The following SMARCC2 variants were observed in gnomAD, a reference collection of about 807,000 sequenced individuals.
SMARCC2 encodes SWI/SNF related BAF chromatin remodeling complex subunit C2.
SMARCC2 carries 15 observed loss-of-function variants against 151.3 expected under a neutral mutation model. That is an observed-to-expected ratio of 0.10 (90% CI 0.07 to 0.15). The LOEUF (loss-of-function observed/expected upper bound fraction) is 0.15, where lower values mean the gene tolerates loss of function less well. Among genes scored for constraint, SMARCC2 ranks in the 10% least tolerant of loss-of-function variants. The pLI, the probability that SMARCC2 is intolerant of heterozygous loss-of-function variation, is 1.00. For synonymous variants in SMARCC2, 590 were observed against 609.5 expected (o/e 0.97, Z 0.47); for missense variants, 1,031 against 1,599.7 (o/e 0.64, Z 6.06).
chr12:56,164,222 C>A, intron 28 of SMARCC2, 81 bp downstream of exon 28: 1 of 1,286,260 alleles, frequency 7.8e-7, no homozygotes, highest in African/African-American at 1.5e-5. Flanking sequence ...TAATACCTGA[C>A]CTCTTCCCCA....
Position 56,164,541 on chromosome 12 carries a change from G to A in SMARCC2, c.3423C>T (p.Leu1141=), listed in dbSNP as rs767670571. Residue 1141 remains leucine (L), a synonymous_variant, in exon 28 of 29, where the codon CTC becomes CTT. Transcript: ENST00000550164. ...GSLADSISIN[L]PAPPNLHGHH... ...GCCCATGCAGGTTAGGAGGAGCGGG[G>A]AGGTTAATACTGATGGAGTCAGCTA... 5 of 1,614,184 alleles carry A rather than the reference G, an allele frequency of 3.1e-6. No individual in the cohort carries two copies. In the Admixed American group the frequency reaches 6.7e-5, roughly 22 times the overall value.
In SMARCC2 at chr12:56,173,040, G is replaced by C. The variant is rs750591805; in HGVS notation, c.1651-11C>G. On this transcript the variant is annotated splice_polypyrimidine_tract_variant and intron_variant, in intron 17 of 28. Coordinates refer to ENST00000550164, the MANE Select transcript of SMARCC2 (RefSeq NM_001330288.2). ...ATCAACCTGGCGGCCCTGGGGGACA[G>C]AGCTTGGCGTCATGGAGGCTGGGCA... 5 of 1,613,452 alleles carry C rather than the reference G, an allele frequency of 3.1e-6. No individual in the cohort carries two copies. Among genetic ancestry groups the C allele is most frequent in the South Asian group, 2.2e-5 (2 of 91,078 alleles).
chr12:56,165,495 C>G lies in SMARCC2; in HGVS notation c.3055G>C (p.Val1019Leu), dbSNP rs1424674357. ...AGPPAVHGLA[V>L]APASVVPAPA... Reference sequence around the variant, plus strand: ...GCAGGGACTACAGAGGCTGGAGCCACAGCCAAGCCATGGACTGCGGGTGGC... The same window carrying G: ...GCAGGGACTACAGAGGCTGGAGCCAGAGCCAAGCCATGGACTGCGGGTGGC... Residue 1019 changes from valine (V) to leucine (L), a missense_variant, in exon 27 of 29, where the codon GTG (valine) becomes CTG (leucine). By Grantham distance (32) the Val-to-Leu change is conservative. Coordinates refer to ENST00000550164, the MANE Select transcript of SMARCC2 (RefSeq NM_001330288.2). 6.3e-7 allele frequency: 1 copy of G among 1,581,638 alleles called. No homozygotes were observed. The highest frequency in any genetic ancestry group is 8.6e-7 in the Non-Finnish European group (1 of 1,163,466).
At chr12:56,181,433 TG>T in intron 10 of SMARCC2, 48 bp downstream of exon 10, 1 of 1,144,448 alleles carries the variant, frequency 8.7e-7, no homozygotes, top group Non-Finnish European at 1.3e-6. Context: ...TCCTTCAACA[TG>T]ATGTGGAGAG....
chr12:56,173,185 G>A (rs749501099), intron 17 of SMARCC2, among the ~76,000 whole-genome samples, 156 bp from the exon 18 acceptor site: 1 of 152,184 alleles, frequency 6.6e-6, no homozygotes, highest in Non-Finnish European at 1.5e-5. Context: ...ACATGTCGTT[G>A]GCATGATATC....
At chr12:56,181,392 A>T in intron 10 of SMARCC2, 90 bp downstream of exon 10, 8 of 818,138 alleles carry the variant, frequency 9.8e-6, no homozygotes, top group South Asian at 5.4e-5. Context: ...GGTCAGGGCC[A>T]GGTGGTTATA....
chr12:56,179,930 C>G (rs937352931), intron 11 of SMARCC2, among the ~76,000 whole-genome samples: 1 of 152,092 alleles, frequency 6.6e-6, no homozygotes, highest in African/African-American at 2.4e-5. Flanking sequence ...CGTGATCCGC[C>G]TGCCTCGGCC....
chr12:56,162,668 A>C lies in SMARCC2; in HGVS notation c.*1021T>G. 8.5e-6 allele frequency: 2 copies of C among 234,376 alleles called. No homozygotes were observed. The allele number at this position is 234,376 out of a possible 1,614,324, so 14.5% of individuals were successfully genotyped here. ...GGGCACCCTCTTCCACTGCTCCCAA[A>C]TCCCTGCATCCTCATCTGGGGAGCC... On this transcript the variant is annotated 3_prime_UTR_variant, in exon 29 of 29. Coordinates refer to ENST00000550164, the MANE Select transcript of SMARCC2 (RefSeq NM_001330288.2).
In SMARCC2 at chr12:56,171,462, A is replaced by T. The variant is rs751759178; in HGVS notation, c.2186-30T>A. The T allele has an allele frequency of 4.3e-6, 7 of 1,613,814 alleles. No homozygotes were observed. In the African/African-American group the frequency reaches 9.3e-5, roughly 22 times the overall value. On this transcript the variant is annotated intron_variant, in intron 21 of 28. Transcript: ENST00000550164. The surrounding 1 kb of genome is among the most constrained non-coding windows in gnomAD (Gnocchi z 4.2). Reference sequence around the variant, plus strand: ...AAGACCCAGAAAGAATGAGGCTGGGAGCGGCACAGTGGAACAGTTCTGGCA... The same window carrying T: ...AAGACCCAGAAAGAATGAGGCTGGGTGCGGCACAGTGGAACAGTTCTGGCA...
intron 1 of SMARCC2, among the ~76,000 whole-genome samples, chr12:56,188,624 G>A (rs1332599170): frequency 1.3e-5 from 2 of 152,206 alleles, no homozygotes; most frequent in African/African-American, 2.4e-5. Flanking sequence ...TGAGGGGCTA[G>A]AGATAGGAAG....
chr12:56,180,297 G>A (rs1875918297), intron 11 of SMARCC2, among the ~76,000 whole-genome samples: 1 of 150,960 alleles, frequency 6.6e-6, no homozygotes, highest in Non-Finnish European at 1.5e-5. Context: ...TTTTGGTATA[G>A]ACAGGGTTTC....
At position 56,165,465 on chromosome 12, in the gene SMARCC2, C is replaced by G. The variant is rs775459258; in HGVS notation, c.3085G>C (p.Ala1029Pro). ...CTTCCTGGAGGGGCCCCACTGCCAG[C>G]AGGAGCAGGGACTACAGAGGCTGGA... ...VAPASVVPAP[A>P]GSGAPPGSLG... Residue 1029 changes from alanine to proline, a missense_variant, in exon 27 of 29, where the codon GCT becomes CCT. Physicochemically the swap from Ala to Pro is conservative, Grantham distance 27. This residue lies in a region of SMARCC2 where 310 missense variants were observed against 350.0 expected (regional missense o/e 0.89). Coordinates refer to ENST00000550164, the MANE Select transcript of SMARCC2 (RefSeq NM_001330288.2). 1 of 1,542,292 alleles carries G rather than the reference C, an allele frequency of 6.5e-7. No homozygotes were observed. The highest frequency in any genetic ancestry group is 8.7e-7 in the Non-Finnish European group (1 of 1,145,028).
At chr12:56,185,468 C>T (rs572874161) in intron 3 of SMARCC2, 39 of 229,302 alleles carry the variant, frequency 1.7e-4, no homozygotes, top group South Asian at 1.6e-3. Flanking sequence ...CAGGCATGAG[C>T]CACCACACCC....
At chr12:56,179,954 G>A (rs560468242) in intron 11 of SMARCC2, among the ~76,000 whole-genome samples, 2 of 152,042 alleles carry the variant, frequency 1.3e-5, no homozygotes, top group South Asian at 2.1e-4. Flanking sequence ...CAAAGTGCTG[G>A]GATTACAGGC....
rs778301199 is a variant in SMARCC2, at chr12:56,172,714, G to A, written c.1744-10C>T. The A allele has an allele frequency of 8.7e-6, 14 of 1,613,926 alleles. No individual in the cohort carries two copies. In the East Asian group the frequency reaches 3.1e-4, roughly 36 times the overall value. On this transcript the variant is annotated splice_polypyrimidine_tract_variant and intron_variant, in intron 18 of 28. Transcript: ENST00000550164. ...GGGAAGCAGAGGTCTGCTATTTGTG[G>A]AGGGAAAGAAACAGGTGAGTACAAG...
intron 17 of SMARCC2, 99 bp downstream of exon 17, chr12:56,173,596 CA>C (rs1383274579): frequency 2.4e-5 from 27 of 1,130,670 alleles, no homozygotes; most frequent in Middle Eastern, 3.1e-4. Context: ...GAAGAAGCCT[CA>C]AAACACTCCT....
In SMARCC2 at chr12:56,181,720, T is replaced by G; in HGVS notation, c.824A>C (p.Lys275Thr). The G allele has an allele frequency of 6.2e-7, 1 of 1,614,216 alleles. No homozygotes were observed. Among genetic ancestry groups the G allele is most frequent in the Non-Finnish European group, 8.5e-7 (1 of 1,180,032 alleles). ...ATTTGTCACCTCATCTGTCAGTGTC[T>G]TGGCTGAAATCTTCTTTCGGCGGGA... ...PVSRRKKISA[K>T]TLTDEVNSPD... Residue 275 changes from lysine (K) to threonine (T), a missense_variant, in exon 9 of 29, where the codon AAG becomes ACG. Lys to Thr is a moderately conservative substitution (Grantham distance 78, BLOSUM62 -1). Coordinates refer to ENST00000550164, the MANE Select transcript of SMARCC2 (RefSeq NM_001330288.2).
intron 27 of SMARCC2, 120 bp downstream of exon 27, chr12:56,165,198 C>T: frequency 8.0e-7 from 1 of 1,252,706 alleles, no homozygotes; most frequent in Non-Finnish European, 1.0e-6. Flanking sequence ...AGAGATGGGC[C>T]CATCTGTAGA....
Position 56,163,399 on chromosome 12 carries a change from T to C in SMARCC2, c.*290A>G, listed in dbSNP as rs1023962259. 42 of 241,536 alleles carry C rather than the reference T, an allele frequency of 1.7e-4. No individual in the cohort carries two copies. Among genetic ancestry groups the C allele is most frequent in the African/African-American group, 9.3e-4 (41 of 43,890 alleles). The allele number at this position is 241,536 out of a possible 1,614,324, so 15.0% of individuals were successfully genotyped here. A position where few individuals can be genotyped will look rare whatever the true frequency, so the allele number is the denominator to read the frequency against. ...GAGGTGTACCCTTAGAAGTGGTTAA[T>C]AGAACCTTGTATAAACACCTTTCAC... On this transcript the variant is annotated 3_prime_UTR_variant, in exon 29 of 29. Coordinates refer to ENST00000550164, the MANE Select transcript of SMARCC2 (RefSeq NM_001330288.2).
Sources: allele counts gnomAD v4.1 joint callset (sites outside exome capture counted in the v4.1 genomes callset), GRCh38; gene constraint gnomAD v4.1.1; regional missense constraint gnomAD v4.1.1; non-coding constraint Gnocchi (gnomAD v3.1); transcripts MANE v1.5; gene names NCBI Gene and HGNC (gene_info 2026-07-23, HGNC 2026-07-21).